The following TRAPPC9 variants were observed in gnomAD, a reference collection of about 807,000 sequenced individuals.
TRAPPC9 encodes trafficking protein particle complex subunit 9, also known as IKK2 binding protein.
TRAPPC9 carries 83 observed loss-of-function variants against 124.0 expected under a neutral mutation model. The observed-to-expected ratio is 0.67, with a 90% CI of 0.56 to 0.80. The LOEUF (loss-of-function observed/expected upper bound fraction) is 0.80. Among genes scored for constraint, TRAPPC9 ranks in the 30% least tolerant of loss-of-function variants. TRAPPC9 has a pLI of 0.00. For missense variants in TRAPPC9, 1,302 were observed against 1,508.3 expected (o/e 0.86, Z 2.27); for synonymous variants, 638 against 617.5 (o/e 1.03, Z -0.49).
At chr8:140,302,241 C>T (rs911869641) in intron 10 of TRAPPC9, among the ~76,000 whole-genome samples, 1 of 152,180 alleles carries the variant, frequency 6.6e-6, no homozygotes, top group African/African-American at 2.4e-5. Context: ...CAGTGACTCA[C>T]GGCAGGAGAT....
intron 17 of TRAPPC9, among the ~76,000 whole-genome samples, chr8:140,068,039 T>C (rs1483328742): frequency 2.0e-5 from 3 of 152,180 alleles, no homozygotes; most frequent in Admixed American, 6.5e-5. Flanking sequence ...GTATTGCTTC[T>C]GAACTTTGCA....
At chr8:140,090,466 A>G (rs1844491716) in intron 17 of TRAPPC9, among the ~76,000 whole-genome samples, 1 of 152,240 alleles carries the variant, frequency 6.6e-6, no homozygotes, top group Admixed American at 6.5e-5. Context: ...GACATTAAAC[A>G]GCTTATACTC....
chr8:139,876,679 GATCA>G (rs769348882), intron 21 of TRAPPC9, among the ~76,000 whole-genome samples: 21 of 152,084 alleles, frequency 1.4e-4, no homozygotes, highest in African/African-American at 5.1e-4. Flanking sequence ...TGAATGGATG[GATCA>G]ATCAATCAAT....
chr8:140,209,869 G>A (rs572625518), intron 17 of TRAPPC9, among the ~76,000 whole-genome samples: 113 of 152,314 alleles, frequency 7.4e-4, no homozygotes, highest in African/African-American at 2.6e-3. Context: ...GAAATTATAC[G>A]TAAAGGGGCA....
chr8:140,045,643 A>AC lies in TRAPPC9; in HGVS notation c.2557-21565_2557-21564insG, dbSNP rs1563718410. On this transcript the variant is annotated intron_variant, in intron 17 of 22. Transcript: ENST00000438773. ...CTCCATCTCGGCAGAAAAAAAAAAA[A>AC]AAAAAAAAAAAAAAAACCAAGTCAG... Among the ~76,000 whole-genome samples, 16 of 139,908 alleles carry AC rather than the reference A, an allele frequency of 1.1e-4. 2 individuals are homozygous for AC. Among genetic ancestry groups the AC allele is most frequent in the African/African-American group, 2.7e-4 (10 of 37,392 alleles). 91.8% of individuals were successfully genotyped at this position (139,908 alleles called of 152,430 possible).
intron 17 of TRAPPC9, among the ~76,000 whole-genome samples, chr8:140,143,403 T>C (rs998034696): frequency 1.3e-5 from 2 of 152,242 alleles, no homozygotes; most frequent in Non-Finnish European, 2.9e-5. Context: ...TGGCTATATG[T>C]CAGTCACGTC....
At chr8:139,859,960 C>G in intron 21 of TRAPPC9, among the ~76,000 whole-genome samples, 1 of 152,262 alleles carries the variant, frequency 6.6e-6, no homozygotes, top group Admixed American at 6.5e-5. Context: ...AAAAGGAACT[C>G]ACAGTCATAA....
chr8:139,905,591 C>A (rs1831303944), intron 20 of TRAPPC9, among the ~76,000 whole-genome samples: 1 of 152,024 alleles, frequency 6.6e-6, no homozygotes. Flanking sequence ...TCACCCGGGG[C>A]AGGGACTGGT....
chr8:139,874,184 T>G (rs1829176173), intron 21 of TRAPPC9, among the ~76,000 whole-genome samples: 1 of 152,170 alleles, frequency 6.6e-6, no homozygotes, highest in Non-Finnish European at 1.5e-5. Context: ...AATGAAACAT[T>G]AATAAGCGAT....
intron 17 of TRAPPC9, among the ~76,000 whole-genome samples, chr8:140,142,563 A>G (rs1362627944): frequency 1.3e-5 from 2 of 152,250 alleles, no homozygotes; most frequent in Non-Finnish European, 2.9e-5. Flanking sequence ...CCCAGCAAGG[A>G]GGTGGCTGAT....
chr8:140,225,894 C>T (rs997010055), intron 16 of TRAPPC9, among the ~76,000 whole-genome samples: 4 of 152,304 alleles, frequency 2.6e-5, no homozygotes, highest in African/African-American at 7.2e-5. Flanking sequence ...ATTACACCAA[C>T]GCTTTTATCT....
chr8:140,366,102 T>C (rs1321077713), intron 8 of TRAPPC9, among the ~76,000 whole-genome samples: 4 of 152,234 alleles, frequency 2.6e-5, no homozygotes, highest in Admixed American at 6.5e-5. Context: ...GAACATGATC[T>C]CATTTTTTAT....
At chr8:139,844,230 C>T (rs887567309) in intron 21 of TRAPPC9, among the ~76,000 whole-genome samples, 4 of 152,372 alleles carry the variant, frequency 2.6e-5, no homozygotes, top group African/African-American at 7.2e-5. Flanking sequence ...GCTGGTACAG[C>T]GCCTCCCCAG....
chr8:139,833,741 T>C (rs1826142833), intron 21 of TRAPPC9, among the ~76,000 whole-genome samples: 1 of 152,184 alleles, frequency 6.6e-6, no homozygotes, highest in African/African-American at 2.4e-5. Context: ...CAGTGTGGAC[T>C]TTCTCATGAG....
intron 21 of TRAPPC9, among the ~76,000 whole-genome samples, chr8:139,736,557 G>A (rs559266492): frequency 6.6e-6 from 1 of 152,350 alleles, no homozygotes; most frequent in African/African-American, 2.4e-5. Flanking sequence ...ACGGGGCAGA[G>A]CAGAGGTCTG....
chr8:140,101,532 C>CTTTTT lies in TRAPPC9; in HGVS notation c.2557-77458_2557-77454dup, dbSNP rs1234280796. On this transcript the variant is annotated intron_variant, in intron 17 of 22. Transcript: ENST00000438773. ...ACTTGGGTTGGTTTTGTAGGGTTTT[C>CTTTTT]TTTTTTTTGTTTTTTTTTTTTTTTT... Among the ~76,000 whole-genome samples, 368 of 78,678 alleles carry CTTTTT rather than the reference C, an allele frequency of 4.7e-3. 41 individuals carry two copies. Among genetic ancestry groups the CTTTTT allele is most frequent in the East Asian group, 9.1e-3 (20 of 2,204 alleles). 51.6% of individuals were successfully genotyped at this position (78,678 alleles called of 152,430 possible).
In TRAPPC9 at chr8:140,324,981, T is replaced by G. The variant is rs549371969; in HGVS notation, c.1496-13607A>C. ...ACACCATAAAACACATCTCAATACA[T>G]TTTAAAAGACTGAAATCACACAGAA... is the stretch of plus-strand genomic sequence containing the variant. On this transcript the variant is annotated intron_variant, in intron 9 of 22. Transcript: ENST00000438773. 9.9e-5 allele frequency among the ~76,000 whole-genome samples: 15 copies of G among 151,848 alleles called. No homozygotes were observed. In the South Asian group the frequency reaches 3.1e-3, roughly 32 times the overall value.
Position 140,179,993 on chromosome 8 carries a change from A to ATTTTTTTTT in TRAPPC9, c.2556+41457_2556+41465dup, listed in dbSNP as rs71520259. ...ATAAACAATTTATAGTTATATCTTG[A>ATTTTTTTTT]TTTTTTTTTTTTTTTTTTTTTGGCC... is the stretch of plus-strand genomic sequence containing the variant. On this transcript the variant is annotated intron_variant, in intron 17 of 22. Coordinates refer to ENST00000438773, the MANE Select transcript of TRAPPC9 (RefSeq NM_001160372.4). 1.1e-3 allele frequency among the ~76,000 whole-genome samples: 96 copies of ATTTTTTTTT among 90,036 alleles called. 8 individuals are homozygous for ATTTTTTTTT. Among genetic ancestry groups the ATTTTTTTTT allele is most frequent in the East Asian group, 2.9e-3 (6 of 2,078 alleles). 59.1% of individuals were successfully genotyped at this position (90,036 alleles called of 152,430 possible). A position where few individuals can be genotyped will look rare whatever the true frequency, so the allele number is the denominator to read the frequency against.
intron 19 of TRAPPC9, among the ~76,000 whole-genome samples, chr8:139,917,053 G>C (rs1832181092): frequency 6.6e-6 from 1 of 151,972 alleles, no homozygotes; most frequent in Non-Finnish European, 1.5e-5. Context: ...GAGCAGACAA[G>C]GAAACGGCGT....
Sources: gnomAD v4.1 joint callset for allele counts (sites outside exome capture counted in the v4.1 genomes callset) on GRCh38, gnomAD v4.1.1 for gene constraint, MANE v1.5 for transcripts, NCBI Gene and HGNC (gene_info 2026-07-23, HGNC 2026-07-21) for gene names.